The following PPP2R2B variants were observed in gnomAD, a reference collection of about 807,000 sequenced individuals.
The protein encoded by PPP2R2B is serine/threonine-protein phosphatase 2A 55 kDa regulatory subunit B beta isoform.
Under a neutral mutation model 46.0 loss-of-function variants are expected in PPP2R2B, and 5 were observed. The ratio of observed to expected loss-of-function variants is 0.11; its 90% confidence interval spans 0.06 to 0.23. The LOEUF (loss-of-function observed/expected upper bound fraction) is 0.23. PPP2R2B is among the 10% of genes least tolerant of loss of function. PPP2R2B has a pLI of 1.00. For missense variants in PPP2R2B, 367 were observed against 575.0 expected, an observed-to-expected ratio of 0.64 and a Z score of 3.70; for synonymous variants, 215 against 206.7, an observed-to-expected ratio of 1.04 and a Z score of -0.34.
rs77065056 is a variant in PPP2R2B, at chr5:146,823,830, C to G, written c.70+54172G>C. On this transcript the variant is annotated intron_variant, in intron 2 of 9. Coordinates refer to ENST00000394411, the MANE Select transcript of PPP2R2B (RefSeq NM_181675.4). ...GTGATTTTTGCAAAACATAGCCAAA[C>G]AGAAGTCCCTGTTTGCCTCATTTCA... 6.1e-3 allele frequency among the ~76,000 whole-genome samples: 925 copies of G among 152,248 alleles called. 28 individuals carry two copies. Among genetic ancestry groups the G allele is most frequent in the Admixed American group, 0.042 (640 of 15,292 alleles).
chr5:146,756,341 C>A (rs140869916), intron 2 of PPP2R2B, among the ~76,000 whole-genome samples: 82 of 152,258 alleles, frequency 5.4e-4, no homozygotes, highest in Non-Finnish European at 9.1e-4. Flanking sequence ...CCAGCATCTG[C>A]AGAGATTACT....
chr5:146,855,911 G>A (rs1458724), intron 2 of PPP2R2B, among the ~76,000 whole-genome samples: 1 of 152,188 alleles, frequency 6.6e-6, no homozygotes, highest in South Asian at 2.1e-4. Context: ...AGTTAATAAT[G>A]AAAGGGCTTT....
At chr5:146,937,544 AAG>A (rs1402298387) in intron 1 of PPP2R2B, among the ~76,000 whole-genome samples, 1 of 152,106 alleles carries the variant, frequency 6.6e-6, no homozygotes, top group Non-Finnish European at 1.5e-5. Flanking sequence ...AAGGCAGAGA[AAG>A]AGAAAGATGG....
At chr5:146,811,497 A>G (rs1757539345) in intron 2 of PPP2R2B, among the ~76,000 whole-genome samples, 1 of 150,392 alleles carries the variant, frequency 6.6e-6, no homozygotes, top group African/African-American at 2.4e-5. Flanking sequence ...CAATTTCTTT[A>G]TTAATCATTT....
In PPP2R2B at chr5:146,878,063, C is replaced by T. The variant is rs373772556; in HGVS notation, c.9G>A (p.Glu3=). The T allele has an allele frequency of 3.1e-6, 5 of 1,614,148 alleles. No homozygotes were observed. The highest frequency in any genetic ancestry group is 4.2e-6 in the Non-Finnish European group (5 of 1,180,016). The change falls in exon 2 of 10, where the codon GAG becomes GAA. Residue 3 remains glutamate, a synonymous_variant. Transcript: ENST00000394411. This position sits in a 1 kb window ranked among gnomAD's most constrained non-coding sequence, Gnocchi z 4.5. ME[E]DIDTRKINNS... is the part of the protein sequence containing the mutation. ...TGTTGATTTTGCGGGTATCAATGTCCTCCTCCATTGACAGCAGGCTTACTT... is the reference window on the plus strand; with the variant it reads ...TGTTGATTTTGCGGGTATCAATGTCTTCCTCCATTGACAGCAGGCTTACTT...
At chr5:146,976,904 A>C (rs753831384) in intron 1 of PPP2R2B, among the ~76,000 whole-genome samples, 49 of 152,130 alleles carry the variant, frequency 3.2e-4, no homozygotes, top group Non-Finnish European at 1.2e-4. Context: ...AAAACTAACA[A>C]GCATAGAGAT....
At chr5:146,955,550 TA>T (rs985433096) in intron 1 of PPP2R2B, among the ~76,000 whole-genome samples, 18 of 152,176 alleles carry the variant, frequency 1.2e-4, no homozygotes, top group African/African-American at 4.1e-4. Flanking sequence ...ACTAGACCCA[TA>T]AAAAAATTAA....
intron 5 of PPP2R2B, among the ~76,000 whole-genome samples, chr5:146,676,831 A>G (rs1777753401): frequency 6.6e-6 from 1 of 152,200 alleles, no homozygotes; most frequent in Non-Finnish European, 1.5e-5. Flanking sequence ...TAGTTTTTAA[A>G]ATGCATAGCA....
intron 2 of PPP2R2B, among the ~76,000 whole-genome samples, chr5:146,763,472 A>G (rs1582046516): frequency 6.6e-6 from 1 of 152,192 alleles, no homozygotes; most frequent in Non-Finnish European, 1.5e-5. Flanking sequence ...TTCAGTAAGC[A>G]TTAATGCATG....
intron 5 of PPP2R2B, among the ~76,000 whole-genome samples, chr5:146,661,408 G>T (rs555536120): frequency 6.6e-6 from 1 of 152,100 alleles, no homozygotes; most frequent in East Asian, 1.9e-4. Context: ...TCATGAAGAC[G>T]TTTTGGATTA....
At chr5:146,854,331 G>A (rs1760522237) in intron 2 of PPP2R2B, among the ~76,000 whole-genome samples, 1 of 152,092 alleles carries the variant, frequency 6.6e-6, no homozygotes, top group Non-Finnish European at 1.5e-5. Context: ...GGGTACATGT[G>A]ATATTTTATT....
intron 1 of PPP2R2B, among the ~76,000 whole-genome samples, chr5:146,983,305 C>T (rs1243007043): frequency 6.6e-6 from 1 of 151,424 alleles, no homozygotes; most frequent in African/African-American, 2.4e-5. Flanking sequence ...CTCAGCCTCC[C>T]GAGTAGCTGG....
chr5:146,665,889 A>C (rs763951165), intron 5 of PPP2R2B, among the ~76,000 whole-genome samples: 1 of 152,258 alleles, frequency 6.6e-6, no homozygotes, highest in Non-Finnish European at 1.5e-5. Flanking sequence ...GCACAGAGAC[A>C]TGAAATGAGC....
At chr5:146,796,965 C>G (rs1756578154) in intron 2 of PPP2R2B, among the ~76,000 whole-genome samples, 1 of 152,156 alleles carries the variant, frequency 6.6e-6, no homozygotes, top group Non-Finnish European at 1.5e-5. Flanking sequence ...GTAACTCCAT[C>G]CCATAAGTTC....
At chr5:146,632,061 G>GCTC (rs1774459847) in intron 7 of PPP2R2B, among the ~76,000 whole-genome samples, 1 of 103,998 alleles carries the variant, frequency 9.6e-6, no homozygotes, top group African/African-American at 3.5e-5. Flanking sequence ...GCTGAGTTGT[G>GCTC]CCCCCCCCCC....
intron 2 of PPP2R2B, among the ~76,000 whole-genome samples, chr5:146,770,551 G>A (rs891464235): frequency 5.3e-5 from 8 of 152,038 alleles, no homozygotes; most frequent in Non-Finnish European, 1.2e-4. Flanking sequence ...AAATTACTAG[G>A]TGTTATGATA....
chr5:146,643,416 G>A (rs1176398790), intron 6 of PPP2R2B, among the ~76,000 whole-genome samples: 2 of 152,136 alleles, frequency 1.3e-5, no homozygotes, highest in South Asian at 2.1e-4. Flanking sequence ...CAGTATATTA[G>A]GCAGTGATAA....
intron 2 of PPP2R2B, among the ~76,000 whole-genome samples, chr5:146,870,741 A>T (rs76133379): frequency 0.022 from 3,302 of 152,178 alleles, 129 homozygotes; most frequent in African/African-American, 0.074. Context: ...GCCCCTCTAG[A>T]TTCCTAAACT....
chr5:146,933,480 G>A (rs1172664757), intron 1 of PPP2R2B, among the ~76,000 whole-genome samples: 1 of 151,876 alleles, frequency 6.6e-6, no homozygotes, highest in Non-Finnish European at 1.5e-5. Flanking sequence ...TATGACACCT[G>A]ATTCTTGAGA....
Sources: gnomAD v4.1 joint callset for allele counts (sites outside exome capture counted in the v4.1 genomes callset) on GRCh38, gnomAD v4.1.1 for gene constraint, Gnocchi (gnomAD v3.1) non-coding constraint, MANE v1.5 for transcripts, NCBI Gene and HGNC (gene_info 2026-07-23, HGNC 2026-07-21) for gene names.